CPPED1: variants seen among roughly 807,000 people sequenced by gnomAD.
CPPED1 encodes calcineurin like phosphoesterase domain containing 1.
CPPED1 carries 28 observed loss-of-function variants against 28.0 expected under a neutral mutation model. The ratio of observed to expected loss-of-function variants is 1.00; its 90% CI spans 0.74 to 1.37. The LOEUF is 1.37. Ranked by LOEUF, CPPED1 falls within the 40% of genes most tolerant of loss-of-function variation. CPPED1 has a pLI of 0.00. For missense variants in CPPED1, 504 were observed against 416.5 expected, an observed-to-expected ratio of 1.21 and a Z score of -1.83; for synonymous variants, 198 against 180.2, an observed-to-expected ratio of 1.10 and a Z score of -0.79.
chr16:12,735,459 C>T (rs1419996172), intron 2 of CPPED1, among the ~76,000 whole-genome samples: 3 of 152,192 alleles, frequency 2.0e-5, no homozygotes, highest in African/African-American at 7.2e-5. Flanking sequence ...CGCACATTAC[C>T]GTCCCTGGCT....
intron 2 of CPPED1, among the ~76,000 whole-genome samples, chr16:12,738,892 T>C (rs1395849551): frequency 6.6e-6 from 1 of 152,198 alleles, no homozygotes; most frequent in Non-Finnish European, 1.5e-5. Context: ...AGCTAAACCC[T>C]GGCAGGCTAA....
At position 12,795,998 on chromosome 16, in the gene CPPED1, A is replaced by T. The variant is rs147282729; in HGVS notation, c.70+7709T>A. ...CTTGGGAGTCCGAGGCAGGAGAATC[A>T]CTTGAACCCAGGAAGCAGAGGTTGC... On this transcript the variant is annotated intron_variant, in intron 1 of 3. Coordinates refer to ENST00000381774, the MANE Select transcript of CPPED1 (RefSeq NM_018340.3). Among the ~76,000 whole-genome samples, 318 of 150,498 alleles carry T rather than the reference A, an allele frequency of 2.1e-3. 8 individuals carry two copies. Among genetic ancestry groups the T allele is most frequent in the Admixed American group, 4.0e-3 (60 of 15,150 alleles).
chr16:12,763,173 A>T (rs1013878062), intron 2 of CPPED1, among the ~76,000 whole-genome samples: 7 of 151,386 alleles, frequency 4.6e-5, no homozygotes, highest in Non-Finnish European at 7.4e-5. Context: ...CGGAGGGTGC[A>T]GTGAGCCGAG....
rs572301351 is a variant in CPPED1 at position 12,792,489 on chromosome 16, T to G, written c.71-11086A>C. Among the ~76,000 whole-genome samples, 28 of 152,228 alleles carry G rather than the reference T, an allele frequency of 1.8e-4. No homozygotes were observed. In the South Asian group the frequency reaches 2.5e-3, roughly 14 times the overall value. Reference sequence around the variant, plus strand: ...ATAAACATCAACAATGCTGGGGGGTTGAAAAACCCTGTTTAAGACATACCA... The same window carrying G: ...ATAAACATCAACAATGCTGGGGGGTGGAAAAACCCTGTTTAAGACATACCA... On this transcript the variant is annotated intron_variant, in intron 1 of 3. Coordinates refer to ENST00000381774, the MANE Select transcript of CPPED1 (RefSeq NM_018340.3).
chr16:12,688,612 C>T (rs577717599), intron 3 of CPPED1, among the ~76,000 whole-genome samples: 19 of 152,226 alleles, frequency 1.2e-4, no homozygotes, highest in Admixed American at 1.0e-3. Context: ...ACTGGGATTA[C>T]AGGCCTGATT....
chr16:12,739,264 GT>G (rs1274677851), intron 2 of CPPED1, among the ~76,000 whole-genome samples: 2 of 152,180 alleles, frequency 1.3e-5, no homozygotes, highest in East Asian at 1.9e-4. Flanking sequence ...AAGCAAGTGA[GT>G]TTTTTCTACC....
chr16:12,711,384 T>C (rs772285045), intron 2 of CPPED1, among the ~76,000 whole-genome samples: 2 of 152,222 alleles, frequency 1.3e-5, no homozygotes, highest in Admixed American at 6.5e-5. Flanking sequence ...TTTTGCAAGA[T>C]AAAAAGAGCC....
At chr16:12,736,028 C>A (rs910643758) in intron 2 of CPPED1, among the ~76,000 whole-genome samples, 8 of 152,070 alleles carry the variant, frequency 5.3e-5, no homozygotes, top group Non-Finnish European at 1.0e-4. Context: ...GAAGCAAGAT[C>A]CCCTGGGCCC....
At chr16:12,691,981 C>A (rs369137553) in intron 3 of CPPED1, among the ~76,000 whole-genome samples, 2,204 of 127,036 alleles carry the variant, frequency 0.017, 47 homozygotes, top group African/African-American at 0.074. Context: ...AAAAAAAAAA[C>A]AAAAACAACA....
intron 1 of CPPED1, among the ~76,000 whole-genome samples, chr16:12,800,080 T>C (rs2141248729): frequency 6.6e-6 from 1 of 152,098 alleles, no homozygotes; most frequent in African/African-American, 2.4e-5. Flanking sequence ...ACCTCAGCAC[T>C]CCCACCATCT....
chr16:12,718,309 C>T (rs1398582302), intron 2 of CPPED1, among the ~76,000 whole-genome samples: 5 of 152,116 alleles, frequency 3.3e-5, no homozygotes, highest in African/African-American at 9.7e-5. Context: ...CAGGCCAAGG[C>T]GGGCGGATCA....
chr16:12,660,069 G>A lies in CPPED1; in HGVS notation c.*4817C>T, dbSNP rs1385674859. The A allele has an allele frequency of 6.6e-6, 1 of 152,214 alleles. No homozygotes were observed. The highest frequency in any genetic ancestry group is 1.5e-5 in the Non-Finnish European group (1 of 68,048). The allele number at this position is 152,214 out of a possible 1,614,324, so 9.4% of individuals were successfully genotyped here. On this transcript the variant is annotated 3_prime_UTR_variant, in exon 4 of 4. Transcript: ENST00000381774. ...ATGGGGATTATGGGGATTACAATTC[G>A]AGATGAGATTTCAGTGGGGACACAG...
intron 2 of CPPED1, among the ~76,000 whole-genome samples, chr16:12,718,958 T>C (rs1489269673): frequency 6.6e-6 from 1 of 151,716 alleles, no homozygotes; most frequent in Non-Finnish European, 1.5e-5. Flanking sequence ...GCAAGATTCT[T>C]AAGCAAAAAA....
chr16:12,789,969 A>T (rs561596971), intron 1 of CPPED1, among the ~76,000 whole-genome samples: 1 of 152,358 alleles, frequency 6.6e-6, no homozygotes, highest in South Asian at 2.1e-4. Context: ...TAACTTATAA[A>T]AGACTGTCAC....
At chr16:12,747,784 C>T (rs577860912) in intron 2 of CPPED1, among the ~76,000 whole-genome samples, 1 of 152,292 alleles carries the variant, frequency 6.6e-6, no homozygotes, top group Admixed American at 6.5e-5. Context: ...CAGGTATATA[C>T]ATATGTCAAC....
rs1197379478 is a variant in CPPED1 at position 12,663,780 on chromosome 16, G to T, written c.*1106C>A. 1 of 152,174 alleles carries T rather than the reference G, an allele frequency of 6.6e-6. No individual in the cohort carries two copies. Among genetic ancestry groups the T allele is most frequent in the African/African-American group, 2.4e-5 (1 of 41,438 alleles). 9.4% of individuals were successfully genotyped at this position (152,174 alleles called of 1,614,324 possible). A position where few individuals can be genotyped will look rare whatever the true frequency, so the allele number is the denominator to read the frequency against. ...TTCCTGCCAGGATTTGGAGTACCTA[G>T]GTTATTTGTCCACCAGAACAATGGC... On this transcript the variant is annotated 3_prime_UTR_variant, in exon 4 of 4. Coordinates refer to ENST00000381774, the MANE Select transcript of CPPED1 (RefSeq NM_018340.3).
At chr16:12,721,387 A>C (rs551599779) in intron 2 of CPPED1, among the ~76,000 whole-genome samples, 2 of 152,322 alleles carry the variant, frequency 1.3e-5, no homozygotes, top group African/African-American at 2.4e-5. Context: ...GGCAAACCCA[A>C]GTGTTGACCT....
intron 2 of CPPED1, among the ~76,000 whole-genome samples, chr16:12,738,783 G>T (rs2080239607): frequency 6.6e-6 from 1 of 152,062 alleles, no homozygotes; most frequent in Non-Finnish European, 1.5e-5. Flanking sequence ...ATCTAGTTAG[G>T]CCCCAAATAT....
At chr16:12,667,379 G>C (rs2079831290) in intron 3 of CPPED1, among the ~76,000 whole-genome samples, 1 of 152,120 alleles carries the variant, frequency 6.6e-6, no homozygotes, top group African/African-American at 2.4e-5. Flanking sequence ...GGCATAAATT[G>C]AATGAGAACA....
Sources: allele counts gnomAD v4.1 joint callset (sites outside exome capture counted in the v4.1 genomes callset), GRCh38; gene constraint gnomAD v4.1.1; transcripts MANE v1.5; gene names NCBI Gene and HGNC (gene_info 2026-07-23, HGNC 2026-07-21).